The following ADCY9 variants were observed in gnomAD, a reference collection of about 807,000 sequenced individuals.
The protein encoded by ADCY9 is adenylate cyclase 9.
Under a neutral mutation model 101.5 loss-of-function variants are expected in ADCY9, and 50 were observed. The ratio of observed to expected loss-of-function variants is 0.49; its 90% CI spans 0.39 to 0.62. The LOEUF (loss-of-function observed/expected upper bound fraction) is 0.62, where lower values mean the gene tolerates loss of function less well. Ranked by LOEUF, ADCY9 falls within the 20% of genes least tolerant of loss-of-function variation. The pLI is 0.00. For missense variants in ADCY9, 1,662 were observed against 1,800.4 expected (o/e 0.92, Z 1.39); for synonymous variants, 905 against 769.3 (o/e 1.18, Z -2.92).
downstream of ADCY9, among the ~76,000 whole-genome samples, chr16:3,960,612 C>T (rs1306133425): frequency 1.3e-5 from 2 of 152,110 alleles, no homozygotes; most frequent in Non-Finnish European, 2.9e-5. Flanking sequence ...TAACCTTCAT[C>T]AAACTATCAA....
At chr16:3,994,012 G>A (rs905779707) in intron 3 of ADCY9, among the ~76,000 whole-genome samples, 4 of 152,144 alleles carry the variant, frequency 2.6e-5, no homozygotes, top group African/African-American at 4.8e-5. Flanking sequence ...GCTAAGGGGC[G>A]TGGGGTTTGC....
Position 3,963,232 on chromosome 16 carries a change from A to G in ADCY9, c.*2543T>C, listed in dbSNP as rs957496768. On this transcript the variant is annotated 3_prime_UTR_variant, in exon 11 of 11. Coordinates refer to ENST00000294016, the MANE Select transcript of ADCY9 (RefSeq NM_001116.4). ...ATTTACACACATTCAATGCTGAAGT[A>G]TTGCTTCCTGCCCTAAGTTCCTAAG... 1 of 394,374 alleles carries G rather than the reference A, an allele frequency of 2.5e-6. No individual in the cohort carries two copies. Among genetic ancestry groups the G allele is most frequent in the South Asian group, 1.4e-4 (1 of 7,374 alleles). The allele number at this position is 394,374 out of a possible 1,614,324, so 24.4% of individuals were successfully genotyped here.
At chr16:4,082,152 T>C (rs924014067) in intron 2 of ADCY9, among the ~76,000 whole-genome samples, 1 of 151,382 alleles carries the variant, frequency 6.6e-6, no homozygotes, top group African/African-American at 2.4e-5. Flanking sequence ...GAGGCAAGAG[T>C]GTCACTTGAC....
rs759501985 is a variant in ADCY9 at position 3,966,285 on chromosome 16, G to A, written c.3552C>T (p.Tyr1184=). The A allele has an allele frequency of 3.9e-5, 63 of 1,614,032 alleles. No homozygotes were observed. The highest frequency in any genetic ancestry group is 3.8e-4 in the Admixed American group (23 of 60,002). The change falls in exon 11 of 11, where the codon TAC becomes TAT. Residue 1184 remains tyrosine (Y), a synonymous_variant. Transcript: ENST00000294016. The part of the protein sequence containing the change: ...AGVIGTTKLL[Y]DIWGDTVNIA... ...TGTTGACGGTGTCTCCCCAGATGTC[G>A]TACAGCAGCTTGGTGGTGCCGATGA...
chr16:3,980,260 T>C (rs937270056), intron 7 of ADCY9, among the ~76,000 whole-genome samples: 10 of 146,294 alleles, frequency 6.8e-5, no homozygotes, highest in African/African-American at 2.4e-4. Context: ...GGGCTTCGTT[T>C]CAGGAGTGTG....
At chr16:3,981,240 C>T (rs2056139902) in intron 7 of ADCY9, among the ~76,000 whole-genome samples, 2 of 152,226 alleles carry the variant, frequency 1.3e-5, no homozygotes, top group South Asian at 4.1e-4. Flanking sequence ...CGCACCTCAC[C>T]CCAGCCCTCG....
At chr16:4,093,308 C>T (rs1479710979) in intron 2 of ADCY9, among the ~76,000 whole-genome samples, 5 of 152,188 alleles carry the variant, frequency 3.3e-5, no homozygotes, top group African/African-American at 1.2e-4. Context: ...CCCCGAAGCT[C>T]TCTATTAAGG....
Position 4,115,208 on chromosome 16 carries a change from G to C in ADCY9, c.235C>G (p.Leu79Val), listed in dbSNP as rs776473094. 1 of 1,613,536 alleles carries C rather than the reference G, an allele frequency of 6.2e-7. No homozygotes were observed. The highest frequency in any genetic ancestry group is 2.2e-5 in the East Asian group (1 of 44,862). The part of the protein sequence containing the change: ...GGGRLRRQKK[L>V]PQLFERASSR... The stretch of plus-strand genomic sequence containing the variant: ...GAGGCCCTCTCGAACAGCTGGGGCA[G>C]CTTCTTCTGCCTGCGCAGCCGGCCT... The change falls in exon 2 of 11, where the codon CTG becomes GTG. Residue 79 changes from leucine (L) to valine (V), a missense_variant. Around this residue, in one of 5 missense-constraint regions of ADCY9, gnomAD observed 422 missense variants for 392.0 expected, o/e 1.08. Coordinates refer to ENST00000294016, the MANE Select transcript of ADCY9 (RefSeq NM_001116.4). This position sits in a 1 kb window ranked among gnomAD's most constrained non-coding sequence, Gnocchi z 6.2.
intron 2 of ADCY9, among the ~76,000 whole-genome samples, chr16:4,059,153 A>C (rs1459176717): frequency 1.3e-5 from 2 of 152,124 alleles, no homozygotes; most frequent in African/African-American, 4.8e-5. Flanking sequence ...TGGGAGGCCG[A>C]GGTGGGCAGA....
At chr16:4,021,818 G>A (rs1156753536) in intron 2 of ADCY9, among the ~76,000 whole-genome samples, 1 of 152,148 alleles carries the variant, frequency 6.6e-6, no homozygotes, top group African/African-American at 2.4e-5. Context: ...CACTTCATCA[G>A]AACACTTCTG....
Position 4,114,021 on chromosome 16 carries a change from C to T in ADCY9, c.1422G>A (p.Glu474=). ...EMGLGMIKAI[E]QFCQEKKEMV... ...TCTCCTTCTTCTCCTGGCAGAACTG[C>T]TCGATGGCCTTGATCATGCCCAGGC... is the stretch of plus-strand genomic sequence containing the variant. The change falls in exon 2 of 11, where the codon GAG becomes GAA. Residue 474 remains glutamate (E), a synonymous_variant. Coordinates refer to ENST00000294016, the MANE Select transcript of ADCY9 (RefSeq NM_001116.4). The surrounding 1 kb of genome is among the most constrained non-coding windows in gnomAD (Gnocchi z 4.3). The T allele has an allele frequency of 6.2e-7, 1 of 1,613,890 alleles. No homozygotes were observed. The highest frequency in any genetic ancestry group is 8.5e-7 in the Non-Finnish European group (1 of 1,180,046).
chr16:4,102,073 G>A (rs1211401219), intron 2 of ADCY9, among the ~76,000 whole-genome samples: 1 of 152,214 alleles, frequency 6.6e-6, no homozygotes, highest in Non-Finnish European at 1.5e-5. Flanking sequence ...ATGTGCGCCA[G>A]ATTGAGCGCA....
intron 3 of ADCY9, among the ~76,000 whole-genome samples, chr16:3,998,703 T>C (rs1313738087): frequency 2.4e-5 from 1 of 41,104 alleles, no homozygotes; most frequent in Non-Finnish European, 4.4e-5. Flanking sequence ...AGCAAAACTC[T>C]GTCTCAAAAA....
intron 2 of ADCY9, among the ~76,000 whole-genome samples, chr16:4,051,598 C>T (rs1013851789): frequency 1.3e-5 from 2 of 151,818 alleles, no homozygotes; most frequent in African/African-American, 4.8e-5. Context: ...AACACAGGGG[C>T]CAGCTTGGAG....
chr16:4,074,423 A>AGT (rs1483178622), intron 2 of ADCY9, among the ~76,000 whole-genome samples: 1 of 151,854 alleles, frequency 6.6e-6, no homozygotes, highest in East Asian at 1.9e-4. Context: ...GGCTGGGCAC[A>AGT]GTGGCTCATG....
intron 2 of ADCY9, among the ~76,000 whole-genome samples, chr16:4,072,086 T>A (rs1318919934): frequency 6.6e-6 from 1 of 152,184 alleles, no homozygotes; most frequent in African/African-American, 2.4e-5. Flanking sequence ...TGAAGACGAT[T>A]TAAAAGCCTG....
At chr16:4,022,657 A>G (rs1460426957) in intron 2 of ADCY9, among the ~76,000 whole-genome samples, 1 of 151,500 alleles carries the variant, frequency 6.6e-6, no homozygotes, top group Non-Finnish European at 1.5e-5. Flanking sequence ...GGCCAGAGCC[A>G]GTGGCTCATG....
intron 7 of ADCY9, among the ~76,000 whole-genome samples, chr16:3,979,874 G>A (rs1199320697): frequency 3.9e-5 from 6 of 152,256 alleles, no homozygotes; most frequent in Admixed American, 3.9e-4. Context: ...CAGAGGCTGT[G>A]TCCCAGCTAC....
intron 2 of ADCY9, among the ~76,000 whole-genome samples, chr16:4,021,217 T>C (rs937914746): frequency 5.3e-5 from 8 of 152,210 alleles, no homozygotes; most frequent in Admixed American, 5.2e-4. Context: ...GGGCGTGCCA[T>C]GGGTGCTCTC....
Sources: allele counts gnomAD v4.1 joint callset (sites outside exome capture counted in the v4.1 genomes callset), GRCh38; gene constraint gnomAD v4.1.1; regional missense constraint gnomAD v4.1.1; non-coding constraint Gnocchi (gnomAD v3.1); transcripts MANE v1.5; gene names NCBI Gene and HGNC (gene_info 2026-07-23, HGNC 2026-07-21).